CSMD1: variants seen among roughly 807,000 people sequenced by gnomAD.
The protein encoded by CSMD1 is CUB and sushi domain-containing protein 1.
In CSMD1, 213 loss-of-function variants were observed where a neutral mutation model predicts 417.5. That is an observed-to-expected ratio of 0.51 (90% CI 0.46 to 0.57). The LOEUF is 0.57. CSMD1 is among the 20% of genes least tolerant of loss of function. The pLI is 0.00. For missense variants in CSMD1, 6,923 were observed against 4,529.7 expected (o/e 1.53, Z -15.17); for synonymous variants, 2,862 against 1,736.8 (o/e 1.65, Z -16.11).
intron 6 of CSMD1, among the ~76,000 whole-genome samples, chr8:3,720,127 T>A (rs889362162): frequency 2.0e-5 from 3 of 152,202 alleles, no homozygotes; most frequent in African/African-American, 7.2e-5. Flanking sequence ...TTAATGCAAC[T>A]CTTTATTCAG....
At chr8:4,163,050 C>T (rs1797260118) in intron 3 of CSMD1, among the ~76,000 whole-genome samples, 1 of 152,172 alleles carries the variant, frequency 6.6e-6, no homozygotes, top group African/African-American at 2.4e-5. Context: ...CACTCTATGT[C>T]TTTGCATGGC....
intron 1 of CSMD1, among the ~76,000 whole-genome samples, chr8:4,638,420 A>C (rs911172000): frequency 6.6e-6 from 1 of 152,316 alleles, no homozygotes; most frequent in Admixed American, 6.5e-5. Flanking sequence ...TGCATAAAGG[A>C]AGCTTATCAA....
intron 26 of CSMD1, among the ~76,000 whole-genome samples, chr8:3,250,742 G>A (rs1563186605): frequency 6.6e-6 from 1 of 151,698 alleles, no homozygotes; most frequent in African/African-American, 2.4e-5. Flanking sequence ...CTTTTTAATG[G>A]TTGATTGCCA....
Position 4,032,062 on chromosome 8 carries a change from G to T in CSMD1, c.453C>A (p.Ile151=). The T allele has an allele frequency of 6.2e-7, 1 of 1,613,312 alleles. No homozygotes were observed. The highest frequency in any genetic ancestry group is 8.5e-7 in the Non-Finnish European group (1 of 1,179,502). Residue 151 remains isoleucine (I), a synonymous_variant, in exon 4 of 70, where the codon ATC becomes ATA. Transcript: ENST00000635120. ...TCGTTCCATGCAGAACTCCTTTCAG[G>T]ATTTCTCCAGGATTTCCACAAGTGT... ...PSHTCGNPGE[I]LKGVLHGTRF...
intron 5 of CSMD1, among the ~76,000 whole-genome samples, chr8:3,972,459 T>A (rs1236405958): frequency 6.6e-6 from 1 of 152,244 alleles, no homozygotes; most frequent in Non-Finnish European, 1.5e-5. Context: ...AGTGATTCCT[T>A]GGCTTCTTTC....
rs190706248 is a variant in CSMD1, at chr8:3,084,719, T to C, written c.7474+2378A>G. Among the ~76,000 whole-genome samples, 433 of 152,140 alleles carry C rather than the reference T, an allele frequency of 2.8e-3. 6 individuals are homozygous for C. Among genetic ancestry groups the C allele is most frequent in the Middle Eastern group, 0.01 (3 of 294 alleles). ...ACTGTTGGGGCATAAATTGCCAATA[T>C]ATGTTGTACAACCTTATGCTATTTA... On this transcript the variant is annotated intron_variant, in intron 49 of 69. Transcript: ENST00000635120.
At chr8:3,894,640 G>C (rs949376448) in intron 5 of CSMD1, among the ~76,000 whole-genome samples, 3 of 152,130 alleles carry the variant, frequency 2.0e-5, no homozygotes, top group Non-Finnish European at 2.9e-5. Flanking sequence ...GGCTAAACAA[G>C]ACTTCACTAT....
chr8:4,641,962 G>A (rs1257761755), intron 1 of CSMD1, among the ~76,000 whole-genome samples: 1 of 152,150 alleles, frequency 6.6e-6, no homozygotes, highest in African/African-American at 2.4e-5. Context: ...CTAATCTACA[G>A]TTAATGTTGC....
At chr8:3,483,041 A>C (rs1391146521) in intron 11 of CSMD1, among the ~76,000 whole-genome samples, 2 of 152,168 alleles carry the variant, frequency 1.3e-5, no homozygotes, top group Non-Finnish European at 2.9e-5. Context: ...AATGAAAAAA[A>C]TTACTTAAGT....
intron 12 of CSMD1, among the ~76,000 whole-genome samples, chr8:3,465,227 C>T (rs1307073953): frequency 6.6e-6 from 1 of 152,156 alleles, no homozygotes; most frequent in Non-Finnish European, 1.5e-5. Flanking sequence ...TCAGGGGATG[C>T]ACAGGCCCTG....
At chr8:3,994,127 T>A (rs896237199) in intron 5 of CSMD1, among the ~76,000 whole-genome samples, 1 of 152,202 alleles carries the variant, frequency 6.6e-6, no homozygotes, top group Non-Finnish European at 1.5e-5. Flanking sequence ...AAGTTAAGAA[T>A]CGATGCATTT....
At chr8:4,455,589 T>A (rs1585105907) in intron 2 of CSMD1, among the ~76,000 whole-genome samples, 1 of 152,162 alleles carries the variant, frequency 6.6e-6, no homozygotes, top group East Asian at 1.9e-4. Context: ...ATTGACAAAT[T>A]GTGAATTTTT....
chr8:3,378,511 C>A (rs11775336), intron 18 of CSMD1, among the ~76,000 whole-genome samples: 70,832 of 151,964 alleles, frequency 0.47, 16,718 homozygotes, highest in Middle Eastern at 0.48. Flanking sequence ...AAAATGCTGG[C>A]AAACCAATTC....
intron 1 of CSMD1, among the ~76,000 whole-genome samples, chr8:4,979,732 T>C (rs1810770283): frequency 6.6e-6 from 1 of 152,186 alleles, no homozygotes; most frequent in Non-Finnish European, 1.5e-5. Flanking sequence ...CAAATCATAT[T>C]GATATAAAAC....
intron 6 of CSMD1, among the ~76,000 whole-genome samples, chr8:3,712,057 G>T (rs553795193): frequency 1.3e-5 from 2 of 152,134 alleles, no homozygotes; most frequent in African/African-American, 4.8e-5. Flanking sequence ...GTAAAGCTAC[G>T]TCTCCACTAG....
intron 3 of CSMD1, among the ~76,000 whole-genome samples, chr8:4,128,794 C>T (rs536682686): frequency 2.0e-5 from 3 of 152,238 alleles, no homozygotes; most frequent in Non-Finnish European, 4.4e-5. Flanking sequence ...TTGCTGGATA[C>T]TTATATCCTA....
At chr8:3,495,181 G>C (rs192152453) in intron 10 of CSMD1, among the ~76,000 whole-genome samples, 2 of 152,154 alleles carry the variant, frequency 1.3e-5, no homozygotes, top group Non-Finnish European at 2.9e-5. Context: ...CATGTTAAAC[G>C]TAGCACCTGA....
intron 3 of CSMD1, among the ~76,000 whole-genome samples, chr8:4,407,756 ACAGT>A (rs1228068199): frequency 4.6e-5 from 7 of 152,338 alleles, no homozygotes; most frequent in South Asian, 2.1e-4. Context: ...TCCTTTAAAA[ACAGT>A]CAAGTAAATA....
intron 5 of CSMD1, among the ~76,000 whole-genome samples, chr8:3,952,635 C>A (rs1156602725): frequency 5.9e-5 from 9 of 152,128 alleles, no homozygotes; most frequent in African/African-American, 2.2e-4. Context: ...ATGGGTAGAG[C>A]TGTTTTCCTG....
Sources: allele counts gnomAD v4.1 joint callset (sites outside exome capture counted in the v4.1 genomes callset), GRCh38; gene constraint gnomAD v4.1.1; transcripts MANE v1.5; gene names NCBI Gene and HGNC (gene_info 2026-07-23, HGNC 2026-07-21).